Variants in C1QTNF7 observed in about 807,000 individuals in gnomAD.
The protein encoded by C1QTNF7 is C1q and TNF related 7, also known as complement C1q tumor necrosis factor-related protein 7.
C1QTNF7 carries 15 observed loss-of-function variants against 19.6 expected under a neutral mutation model. The ratio of observed to expected loss-of-function variants is 0.76; its 90% confidence interval spans 0.51 to 1.18. The LOEUF (loss-of-function observed/expected upper bound fraction) is 1.18, where lower values mean the gene tolerates loss of function less well. C1QTNF7 is among the 50% of genes most tolerant of loss of function. C1QTNF7 has a pLI of 0.00. For synonymous variants in C1QTNF7, 142 were observed against 137.5 expected (o/e 1.03, Z -0.23); for missense variants, 324 against 359.7 (o/e 0.90, Z 0.80).
intron 1 of C1QTNF7, among the ~76,000 whole-genome samples, chr4:15,354,370 G>T (rs1303482272): frequency 6.6e-6 from 1 of 152,164 alleles, no homozygotes; most frequent in Non-Finnish European, 1.5e-5. Context: ...AAAGGTTTTT[G>T]ATTGAGACAG....
At chr4:15,420,022 C>T (rs1285042796) in intron 1 of C1QTNF7, 3 of 152,192 alleles carry the variant, frequency 2.0e-5, no homozygotes, top group African/African-American at 7.2e-5. Flanking sequence ...GAGTCACATA[C>T]GATTCTCATC....
chr4:15,438,707 A>C (rs1372305706), intron 2 of C1QTNF7, among the ~76,000 whole-genome samples: 2 of 152,238 alleles, frequency 1.3e-5, no homozygotes, highest in Non-Finnish European at 2.9e-5. Context: ...GAAAAAGATC[A>C]TTCATTCCAG....
At chr4:15,410,770 A>G (rs1477690275) in intron 1 of C1QTNF7, among the ~76,000 whole-genome samples, 1 of 152,226 alleles carries the variant, frequency 6.6e-6, no homozygotes, top group Non-Finnish European at 1.5e-5. Context: ...TTTCACGTGA[A>G]TATGCTTTCT....
chr4:15,398,493 G>A (rs1280863423), intron 1 of C1QTNF7, among the ~76,000 whole-genome samples: 1 of 151,882 alleles, frequency 6.6e-6, no homozygotes, highest in African/African-American at 2.4e-5. Context: ...CTGTTCCACA[G>A]TGAACACTTC....
At position 15,421,512 on chromosome 4, in the gene C1QTNF7, C is replaced by A. The variant is rs371310687; in HGVS notation, c.14-14224C>A. Among the ~76,000 whole-genome samples, 3 of 152,246 alleles carry A rather than the reference C, an allele frequency of 2.0e-5. No individual in the cohort carries two copies. In the South Asian group the frequency reaches 6.2e-4, roughly 32 times the overall value. On this transcript the variant is annotated intron_variant, in intron 1 of 2. Transcript: ENST00000295297. ...ACCCACTTCATATTTACGGAGCACC[C>A]ACGAAGTGCCAGGCAACAGGGACTC... is the stretch of plus-strand genomic sequence containing the variant.
At chr4:15,410,461 C>T (rs1577265219) in intron 1 of C1QTNF7, among the ~76,000 whole-genome samples, 1 of 152,184 alleles carries the variant, frequency 6.6e-6, no homozygotes, top group South Asian at 2.1e-4. Context: ...GAATATTTTC[C>T]TTATGATGGA....
chr4:15,412,877 C>T (rs1191349935), intron 1 of C1QTNF7, among the ~76,000 whole-genome samples: 1 of 152,162 alleles, frequency 6.6e-6, no homozygotes, highest in Non-Finnish European at 1.5e-5. Context: ...ATAAAAAGAA[C>T]ATGAATCAAT....
upstream of C1QTNF7, among the ~76,000 whole-genome samples, chr4:15,424,172 T>C (rs1289186660): frequency 6.6e-6 from 1 of 152,198 alleles, no homozygotes; most frequent in African/African-American, 2.4e-5. Flanking sequence ...CATTTTCAGA[T>C]ATTAAAAAGA....
At position 15,435,942 on chromosome 4, in the gene C1QTNF7, G is replaced by GATGGTAGAT. The variant is rs756967345; in HGVS notation, c.200_201insTGGTAGATA (p.Arg69_Lys70insTyrGlyArg). The GATGGTAGAT allele has an allele frequency of 5.6e-6, 9 of 1,614,084 alleles. No individual in the cohort carries two copies. Among genetic ancestry groups the GATGGTAGAT allele is most frequent in the Non-Finnish European group, 7.6e-6 (9 of 1,180,000 alleles). On this transcript the variant is annotated inframe_insertion, in exon 2 of 3. Transcript: ENST00000444304. ...CGGCCTTCCAGGAAGAGATGGTAGA[G>GATGGTAGAT]ACGGCAGGAAAGGAGAGAAAGGTGA...
chr4:15,346,167 A>G (rs144456179), intron 1 of C1QTNF7, among the ~76,000 whole-genome samples: 15 of 152,184 alleles, frequency 9.9e-5, no homozygotes, highest in Non-Finnish European at 1.8e-4. Flanking sequence ...GAACCCAAAG[A>G]ATGGTTTATT....
chr4:15,374,655 C>T (rs977241544), intron 1 of C1QTNF7: 2 of 985,300 alleles, frequency 2.0e-6, no homozygotes, highest in South Asian at 4.7e-5. Flanking sequence ...TCTGAAGCCC[C>T]AAAGAATTAT....
At position 15,442,267 on chromosome 4, in the gene C1QTNF7, G is replaced by A; in HGVS notation, c.338G>A (p.Gly113Glu). The A allele has an allele frequency of 6.2e-7, 1 of 1,614,080 alleles. No homozygotes were observed. Among genetic ancestry groups the A allele is most frequent in the African/African-American group, 1.3e-5 (1 of 75,006 alleles). The change falls in exon 3 of 3, where the codon GGA (glycine) becomes GAA (glutamate). Residue 113 changes from glycine (G) to glutamate (E), a missense_variant. Transcript: ENST00000444304. ...CCCATAGGACCAGAGGGAGAGAAAGGAGAAGTAGGTCCAATTGGTCCTCCT... is the reference window on the plus strand; with the variant it reads ...CCCATAGGACCAGAGGGAGAGAAAGAAGAAGTAGGTCCAATTGGTCCTCCT... Reference protein sequence around the residue: ...KGPIGPEGEKGEVGPIGPPGP... With the variant: ...KGPIGPEGEKEEVGPIGPPGP...
At chr4:15,349,305 A>C (rs536555788) in intron 1 of C1QTNF7, among the ~76,000 whole-genome samples, 2 of 151,454 alleles carry the variant, frequency 1.3e-5, no homozygotes, top group South Asian at 2.1e-4. Context: ...TTTTTTGTAC[A>C]CTCACCTCCC....
chr4:15,414,968 C>T (rs1436891195), intron 1 of C1QTNF7, among the ~76,000 whole-genome samples: 1 of 152,218 alleles, frequency 6.6e-6, no homozygotes, highest in Non-Finnish European at 1.5e-5. Flanking sequence ...TGAAACCAAA[C>T]ATATTTTTAT....
At chr4:15,396,514 G>A (rs1718787630) in intron 1 of C1QTNF7, among the ~76,000 whole-genome samples, 2 of 152,118 alleles carry the variant, frequency 1.3e-5, no homozygotes. Context: ...ATTATTTATT[G>A]AGCACCAAGC....
At chr4:15,374,475 A>AT in intron 1 of C1QTNF7, 1 of 750,764 alleles carries the variant, frequency 1.3e-6, no homozygotes, top group South Asian at 6.1e-5. Context: ...AAGGATATTT[A>AT]TTTTTGTTTG....
intron 1 of C1QTNF7, among the ~76,000 whole-genome samples, chr4:15,433,650 C>G (rs13114920): frequency 0.55 from 83,707 of 151,942 alleles, 25,800 homozygotes; most frequent in Non-Finnish European, 0.7. Flanking sequence ...TAAATTTCAA[C>G]ACACAAGTAG....
intron 2 of C1QTNF7, among the ~76,000 whole-genome samples, chr4:15,439,415 C>T (rs374606294): frequency 6.6e-6 from 1 of 152,194 alleles, no homozygotes; most frequent in African/African-American, 2.4e-5. Context: ...TAGTCCAACA[C>T]TTTCGTTTCA....
chr4:15,437,647 T>C (rs1441167819), intron 2 of C1QTNF7, among the ~76,000 whole-genome samples: 2 of 152,224 alleles, frequency 1.3e-5, no homozygotes, highest in Non-Finnish European at 2.9e-5. Flanking sequence ...CATTCATAGA[T>C]CCACTCATTC....
Sources: allele counts gnomAD v4.1 joint callset (sites outside exome capture counted in the v4.1 genomes callset), GRCh38; gene constraint gnomAD v4.1.1; transcripts MANE v1.5; gene names NCBI Gene and HGNC (gene_info 2026-07-23, HGNC 2026-07-21).